SYNE1: variants seen among roughly 807,000 people sequenced by gnomAD.
SYNE1 encodes the protein spectrin repeat containing nuclear envelope protein 1.
A neutral mutation model predicts 1,111.0 loss-of-function variants in SYNE1; 616 were observed. That is an observed-to-expected ratio of 0.55 (90% CI 0.52 to 0.59). The LOEUF (loss-of-function observed/expected upper bound fraction) is 0.59. SYNE1 is among the 20% of genes least tolerant of loss of function. The pLI, the probability that SYNE1 is intolerant of heterozygous loss-of-function variation, is 0.00. For missense variants in SYNE1, 10,006 were observed against 10,417.0 expected, an observed-to-expected ratio of 0.96 and a Z score of 1.72; for synonymous variants, 3,855 against 3,825.8, an observed-to-expected ratio of 1.01 and a Z score of -0.28.
intron 2 of SYNE1, among the ~76,000 whole-genome samples, chr6:152,632,795 T>C (rs1317554680): frequency 6.6e-6 from 1 of 152,206 alleles, no homozygotes; most frequent in Non-Finnish European, 1.5e-5. Flanking sequence ...TTAATTTTTT[T>C]AAAAGATAAA....
intron 82 of SYNE1, 32 bp downstream of exon 82, chr6:152,323,446 A>G: frequency 3.1e-6 from 5 of 1,607,316 alleles, no homozygotes; most frequent in Non-Finnish European, 4.2e-6. Context: ...ACAAACAAAC[A>G]AACAAAAGAA....
intron 3 of SYNE1, among the ~76,000 whole-genome samples, chr6:152,573,356 G>A (rs1364941959): frequency 8.3e-6 from 1 of 120,998 alleles, no homozygotes; most frequent in Non-Finnish European, 1.6e-5. Flanking sequence ...AACAGGCCCT[G>A]GTGTGTTATG....
chr6:152,527,688 G>A (rs987310150), intron 4 of SYNE1, among the ~76,000 whole-genome samples: 2 of 152,148 alleles, frequency 1.3e-5, no homozygotes, highest in Admixed American at 6.5e-5. Context: ...GATACATTCA[G>A]TGAGCAAATG....
chr6:152,526,632 T>G (rs2099164989), intron 4 of SYNE1, among the ~76,000 whole-genome samples: 1 of 152,182 alleles, frequency 6.6e-6, no homozygotes, highest in African/African-American at 2.4e-5. Context: ...CTATAGGACA[T>G]TCTCACCACA....
At chr6:152,544,554 A>AC (rs1564762769) in intron 3 of SYNE1, among the ~76,000 whole-genome samples, 15 of 146,440 alleles carry the variant, frequency 1.0e-4, no homozygotes, top group African/African-American at 3.4e-4. Context: ...AAAAAAAAAA[A>AC]AGGGTTCTGG....
At chr6:152,348,405 C>A (rs1176356107) in intron 72 of SYNE1, among the ~76,000 whole-genome samples, 1 of 152,186 alleles carries the variant, frequency 6.6e-6, no homozygotes. Flanking sequence ...CACGTTCTGG[C>A]CAGACGCGGT....
intron 87 of SYNE1, among the ~76,000 whole-genome samples, chr6:152,312,410 T>C (rs1212447154): frequency 2.0e-5 from 3 of 151,102 alleles, no homozygotes; most frequent in Non-Finnish European, 4.4e-5. Context: ...GGTTTCTCCA[T>C]GTTGGTCAGG....
chr6:152,350,231 C>T lies in SYNE1; in HGVS notation c.11838G>A (p.Val3946=). Residue 3946 remains valine (V), a synonymous_variant, in exon 72 of 146, where the codon GTG becomes GTA. Transcript: ENST00000367255. ...KWLLQMSGRL[V]APDLLETSSL... ...TGCTTGTCTCCAGGAGGTCAGGTGCCACCAGTCTGCCAGACATCTGCAGCA... is the reference window on the plus strand; with the variant it reads ...TGCTTGTCTCCAGGAGGTCAGGTGCTACCAGTCTGCCAGACATCTGCAGCA... 6.2e-7 allele frequency: 1 copy of T among 1,614,090 alleles called. No individual in the cohort carries two copies. Among genetic ancestry groups the T allele is most frequent in the Non-Finnish European group, 8.5e-7 (1 of 1,180,032 alleles).
chr6:152,179,296 T>C (rs1224723997), intron 129 of SYNE1: 3 of 152,134 alleles, frequency 2.0e-5, no homozygotes, highest in Non-Finnish European at 2.9e-5. Context: ...CAAATGAATA[T>C]GTAAAATAAT....
At chr6:152,202,183 C>T (rs772924786) in intron 126 of SYNE1, among the ~76,000 whole-genome samples, 2 of 151,678 alleles carry the variant, frequency 1.3e-5, no homozygotes, top group Non-Finnish European at 2.9e-5. Context: ...CTTGTCTCTA[C>T]TAAAAACACA....
intron 27 of SYNE1, among the ~76,000 whole-genome samples, chr6:152,449,894 G>A (rs867336675): frequency 2.0e-5 from 3 of 152,182 alleles, no homozygotes; most frequent in Non-Finnish European, 4.4e-5. Flanking sequence ...TCTAGGGAAT[G>A]AGCACCTGAA....
intron 6 of SYNE1, among the ~76,000 whole-genome samples, chr6:152,515,089 G>A (rs1158931725): frequency 1.3e-5 from 2 of 152,022 alleles, no homozygotes; most frequent in African/African-American, 4.8e-5. Context: ...AGGCTTGGTG[G>A]CGCATGCCTG....
At chr6:152,144,210 C>T in intron 137 of SYNE1, 1 of 280,598 alleles carries the variant, frequency 3.6e-6, no homozygotes, top group Non-Finnish European at 7.0e-6. Context: ...TTTCTTCATG[C>T]ACCTCAGGGG....
intron 74 of SYNE1, among the ~76,000 whole-genome samples, chr6:152,342,489 A>G (rs958392075): frequency 2.0e-5 from 3 of 152,250 alleles, no homozygotes; most frequent in Admixed American, 1.3e-4. Context: ...GTAAAATATG[A>G]ACACTTTTGT....
chr6:152,498,657 A>T, intron 11 of SYNE1, 85 bp downstream of exon 11: 1 of 948,088 alleles, frequency 1.1e-6, no homozygotes, highest in Non-Finnish European at 1.6e-6. Context: ...ACATAAAGAC[A>T]AAAACATGCA....
rs930017289 is a variant in SYNE1, at chr6:152,293,804, TACA to T, written c.17851-58_17851-56del. 72 of 1,613,208 alleles carry T rather than the reference TACA, an allele frequency of 4.5e-5. 1 individual carries two copies. The Middle Eastern group carries it at 5.2e-4, about 12-fold the overall frequency. On this transcript the variant is annotated intron_variant, in intron 94 of 145. Coordinates refer to ENST00000367255, the MANE Select transcript of SYNE1 (RefSeq NM_182961.4). ...CTTCCCAGCCCCTTATCTTTCAGAT[TACA>T]ACATTTCTTTCTTCAGTGCTTTACC...
In SYNE1 at chr6:152,282,004, T is replaced by C. The variant is rs9478310; in HGVS notation, c.18208-24A>G. 106,845 of 1,610,520 alleles carry C rather than the reference T, an allele frequency of 0.066. 3,995 individuals carry two copies. The highest frequency in any genetic ancestry group is 0.12 in the Middle Eastern group (751 of 6,038). Reference sequence around the variant, plus strand: ...TCCTGTTGAATTCAGTAGAAGGTAATATAGATCACGCTAAGGTAAAATCTT... The same window carrying C: ...TCCTGTTGAATTCAGTAGAAGGTAACATAGATCACGCTAAGGTAAAATCTT... On this transcript the variant is annotated intron_variant, in intron 96 of 145. Coordinates refer to ENST00000367255, the MANE Select transcript of SYNE1 (RefSeq NM_182961.4).
At chr6:152,311,937 C>T (rs982085946) in intron 87 of SYNE1, among the ~76,000 whole-genome samples, 8 of 151,662 alleles carry the variant, frequency 5.3e-5, no homozygotes, top group African/African-American at 1.9e-4. Context: ...GTGCCCGCCA[C>T]CACGCCTGGC....
At chr6:152,397,398 T>C (rs533276917) in intron 49 of SYNE1, among the ~76,000 whole-genome samples, 1 of 152,306 alleles carries the variant, frequency 6.6e-6, no homozygotes, top group South Asian at 2.1e-4. Flanking sequence ...CATCTCTTTC[T>C]TGGAAAATCT....
Sources: allele counts gnomAD v4.1 joint callset (sites outside exome capture counted in the v4.1 genomes callset), GRCh38; gene constraint gnomAD v4.1.1; transcripts MANE v1.5; gene names NCBI Gene and HGNC (gene_info 2026-07-23, HGNC 2026-07-21).